Variants in CTDSPL observed in about 807,000 individuals in gnomAD.
CTDSPL encodes the protein CTD small phosphatase like.
In CTDSPL, 8 loss-of-function variants were observed where a neutral mutation model predicts 30.5. That is an observed-to-expected ratio of 0.26 (90% CI 0.15 to 0.47). The LOEUF is 0.47. Ranked by LOEUF, CTDSPL falls within the 20% of genes least tolerant of loss-of-function variation. CTDSPL has a pLI of 0.99. For synonymous variants in CTDSPL, 110 were observed against 137.9 expected (o/e 0.80, Z 1.42); for missense variants, 248 against 366.1 (o/e 0.68, Z 2.63).
chr3:37,887,771 A>T (rs999393712), intron 1 of CTDSPL, among the ~76,000 whole-genome samples: 4 of 152,220 alleles, frequency 2.6e-5, no homozygotes, highest in Non-Finnish European at 5.9e-5. Context: ...TTATCAGTCT[A>T]AAAGTTATCA....
intron 1 of CTDSPL, among the ~76,000 whole-genome samples, chr3:37,918,634 C>G (rs1187835919): frequency 6.6e-6 from 1 of 152,168 alleles, no homozygotes; most frequent in African/African-American, 2.4e-5. Flanking sequence ...TGATAACAGA[C>G]TTCATCTGGG....
At chr3:37,910,308 C>T (rs533503584) in intron 1 of CTDSPL, among the ~76,000 whole-genome samples, 2 of 152,180 alleles carry the variant, frequency 1.3e-5, no homozygotes, top group Admixed American at 6.5e-5. Flanking sequence ...TGTGAAACCT[C>T]GTCTCTAATA....
chr3:37,964,255 TTTA>T (rs559136395), intron 3 of CTDSPL, among the ~76,000 whole-genome samples: 41 of 152,182 alleles, frequency 2.7e-4, no homozygotes, highest in Non-Finnish European at 3.2e-4. Context: ...TGCTGGGCAT[TTTA>T]TTGCCATTAT....
chr3:37,940,115 C>A (rs1329711188), intron 1 of CTDSPL, among the ~76,000 whole-genome samples: 1 of 150,068 alleles, frequency 6.7e-6, no homozygotes, highest in African/African-American at 2.4e-5. Flanking sequence ...ATTTCTATAC[C>A]CCTCGCTACT....
Position 37,941,840 on chromosome 3 carries a change from T to G in CTDSPL, c.80-5217T>G, listed in dbSNP as rs1489457871. 1.3e-5 allele frequency among the ~76,000 whole-genome samples: 2 copies of G among 150,428 alleles called. 1 individual carries two copies. The highest frequency in any genetic ancestry group is 3.0e-5 in the Non-Finnish European group (2 of 67,078). ...GACTGCTGGGTCAGCTAGCCACCTC[T>G]GTGGTCCTCCTTGCATGGTCCTCCT... On this transcript the variant is annotated intron_variant, in intron 1 of 7. Coordinates refer to ENST00000273179, the MANE Select transcript of CTDSPL (RefSeq NM_001008392.2).
intron 1 of CTDSPL, among the ~76,000 whole-genome samples, chr3:37,914,873 CTTTTTTTTTTTTTT>C (rs11304152): frequency 2.5e-4 from 13 of 51,282 alleles, no homozygotes; most frequent in African/African-American, 6.3e-4. Context: ...TATATATGTT[CTTTTTTTTTTTTTT>C]TTTTTTTTTT....
intron 1 of CTDSPL, among the ~76,000 whole-genome samples, chr3:37,892,639 T>C (rs537276349): frequency 8.5e-5 from 13 of 152,202 alleles, no homozygotes; most frequent in African/African-American, 3.1e-4. Context: ...GAAAGACCCT[T>C]AAGCTTGAGT....
intron 3 of CTDSPL, among the ~76,000 whole-genome samples, chr3:37,962,065 G>T (rs1699251028): frequency 6.6e-6 from 1 of 152,162 alleles, no homozygotes. Context: ...TTTTGTATAA[G>T]AAAGACCTTT....
intron 3 of CTDSPL, among the ~76,000 whole-genome samples, chr3:37,963,594 T>C (rs1034836481): frequency 6.6e-6 from 1 of 152,212 alleles, no homozygotes; most frequent in African/African-American, 2.4e-5. Flanking sequence ...ACTCTGGATA[T>C]TGAATATGCC....
chr3:37,864,287 C>T (rs1054511341), intron 1 of CTDSPL, among the ~76,000 whole-genome samples: 4 of 152,224 alleles, frequency 2.6e-5, no homozygotes, highest in Admixed American at 6.5e-5. Flanking sequence ...TTCCCTTTTC[C>T]TCTAGGTGCT....
At chr3:37,882,219 G>T (rs1698213839) in intron 1 of CTDSPL, among the ~76,000 whole-genome samples, 1 of 151,994 alleles carries the variant, frequency 6.6e-6, no homozygotes, top group South Asian at 2.1e-4. Flanking sequence ...GAGGCGGGCG[G>T]ATCACGAGGT....
At chr3:37,908,215 G>T (rs949929020) in intron 1 of CTDSPL, among the ~76,000 whole-genome samples, 3 of 152,228 alleles carry the variant, frequency 2.0e-5, no homozygotes, top group Middle Eastern at 3.2e-3. Context: ...TCACCACCTG[G>T]TAGCCCCCGC....
intron 1 of CTDSPL, among the ~76,000 whole-genome samples, chr3:37,902,364 A>T (rs1698459912): frequency 6.6e-6 from 1 of 151,668 alleles, no homozygotes; most frequent in Admixed American, 6.6e-5. Flanking sequence ...GCCCCAGGGG[A>T]TGGGAGCTCC....
chr3:37,930,917 T>C (rs1698846099), intron 1 of CTDSPL, among the ~76,000 whole-genome samples: 1 of 152,250 alleles, frequency 6.6e-6, no homozygotes, highest in African/African-American at 2.4e-5. Context: ...CTTTTTATCA[T>C]TATGTAATAT....
intron 1 of CTDSPL, among the ~76,000 whole-genome samples, chr3:37,877,464 T>A (rs1334875648): frequency 6.6e-6 from 1 of 152,230 alleles, no homozygotes; most frequent in Non-Finnish European, 1.5e-5. Context: ...AGTGGTCCAT[T>A]GTGTATGTAT....
chr3:37,964,742 C>A, intron 4 of CTDSPL, 70 bp downstream of exon 4: 1 of 1,227,824 alleles, frequency 8.1e-7, no homozygotes, highest in South Asian at 1.3e-5. Flanking sequence ...AAAGGGAAAA[C>A]AAAAAGGATG....
intron 1 of CTDSPL, among the ~76,000 whole-genome samples, chr3:37,906,615 T>C (rs1698518575): frequency 6.6e-6 from 1 of 152,150 alleles, no homozygotes; most frequent in Non-Finnish European, 1.5e-5. Context: ...AAGGAGGAAC[T>C]GGTAGCAGTA....
Position 37,975,364 on chromosome 3 carries a change from G to C in CTDSPL, c.520-345G>C, listed in dbSNP as rs368738894. Among the ~76,000 whole-genome samples, 1 of 152,238 alleles carries C rather than the reference G, an allele frequency of 6.6e-6. No individual in the cohort carries two copies. Among genetic ancestry groups the C allele is most frequent in the East Asian group, 1.9e-4 (1 of 5,202 alleles). On this transcript the variant is annotated intron_variant, in intron 6 of 7. Transcript: ENST00000273179. The surrounding 1 kb of genome is among the most constrained non-coding windows in gnomAD (Gnocchi z 4.9). ...TGACAGCTTCTAGGTGAATGGGCTAGAAAGGAGGCCCCGTGGGAAAGACAG... is the reference window on the plus strand; with the variant it reads ...TGACAGCTTCTAGGTGAATGGGCTACAAAGGAGGCCCCGTGGGAAAGACAG...
chr3:37,928,566 T>G (rs1698812978), intron 1 of CTDSPL, among the ~76,000 whole-genome samples: 1 of 152,332 alleles, frequency 6.6e-6, no homozygotes, highest in East Asian at 1.9e-4. Context: ...GCCCATGTTT[T>G]ATTTTTTCTG....
Sources: gnomAD v4.1 joint callset for allele counts (sites outside exome capture counted in the v4.1 genomes callset) on GRCh38, gnomAD v4.1.1 for gene constraint, Gnocchi (gnomAD v3.1) non-coding constraint, MANE v1.5 for transcripts, NCBI Gene and HGNC (gene_info 2026-07-23, HGNC 2026-07-21) for gene names.